Variants in SCMH1 observed in about 807,000 individuals in gnomAD.
SCMH1 encodes polycomb protein SCMH1.
Under a neutral mutation model 70.8 loss-of-function variants are expected in SCMH1, and 37 were observed. The ratio of observed to expected loss-of-function variants is 0.52; its 90% CI spans 0.40 to 0.69. The LOEUF is 0.69. Ranked by LOEUF, SCMH1 falls within the 30% of genes least tolerant of loss-of-function variation. The pLI is 0.00. For missense variants in SCMH1, 607 were observed against 827.3 expected, an observed-to-expected ratio of 0.73 and a Z score of 3.27; for synonymous variants, 292 against 307.4, an observed-to-expected ratio of 0.95 and a Z score of 0.52.
At chr1:41,198,744 T>C (rs1016845552) in intron 1 of SCMH1, among the ~76,000 whole-genome samples, 1 of 152,186 alleles carries the variant, frequency 6.6e-6, no homozygotes. Flanking sequence ...TAACAGAATA[T>C]GTCCAATATT....
chr1:41,069,429 A>G (rs746748854), intron 10 of SCMH1, among the ~76,000 whole-genome samples: 11 of 152,206 alleles, frequency 7.2e-5, no homozygotes, highest in Non-Finnish European at 1.2e-4. Flanking sequence ...AGTAATTGAC[A>G]GGGGGATACG....
rs373229472 is a variant in SCMH1, at chr1:41,089,787, C to CTTTTTTTTTTTTTTTTTTTTTTTTT, written c.746-14337_746-14336insAAAAAAAAAAAAAAAAAAAAAAAAA. Among the ~76,000 whole-genome samples, 18 of 58,748 alleles carry CTTTTTTTTTTTTTTTTTTTTTTTTT rather than the reference C, an allele frequency of 3.1e-4. 6 individuals are homozygous for CTTTTTTTTTTTTTTTTTTTTTTTTT. Among genetic ancestry groups the CTTTTTTTTTTTTTTTTTTTTTTTTT allele is most frequent in the East Asian group, 1.2e-3 (2 of 1,658 alleles). The allele number at this position is 58,748 out of a possible 152,430, so 38.5% of individuals were successfully genotyped here. On this transcript the variant is annotated intron_variant, in intron 8 of 14. Transcript: ENST00000337495. ...TTATTCCACTCTAACCATGTTGTCT[C>CTTTTTTTTTTTTTTTTTTTTTTTTT]TTTTTTTTTTTTTTTTTTTTTTGAG... is the stretch of plus-strand genomic sequence containing the variant.
rs889512355 is a variant in SCMH1, at chr1:41,135,527, C to T, written c.412+7351G>A. 7.9e-5 allele frequency among the ~76,000 whole-genome samples: 12 copies of T among 152,136 alleles called. 1 individual carries two copies. Among genetic ancestry groups the T allele is most frequent in the African/African-American group, 2.9e-4 (12 of 41,442 alleles). ...CTGTGAAGAAGGATGTGTTTGCTTCCCCTTCCACCATGAATGTAAGTTTCC... is the reference window on the plus strand; with the variant it reads ...CTGTGAAGAAGGATGTGTTTGCTTCTCCTTCCACCATGAATGTAAGTTTCC... On this transcript the variant is annotated intron_variant, in intron 6 of 14. Transcript: ENST00000337495.
chr1:41,197,844 T>C lies in SCMH1; in HGVS notation c.-117-11594A>G, dbSNP rs146180304. On this transcript the variant is annotated intron_variant, in intron 1 of 14. Transcript: ENST00000337495. The stretch of plus-strand genomic sequence containing the variant: ...TCCTTTTCCTGGGTAGTCCTAGATG[T>C]AGTCCTCTATCAACTTTCTTTATGA... Among the ~76,000 whole-genome samples the C allele has an allele frequency of 2.0e-5, 3 of 152,320 alleles. No homozygotes were observed. The East Asian group carries it at 5.8e-4, about 29-fold the overall frequency.
At chr1:41,085,356 G>A (rs1661300404) in intron 8 of SCMH1, among the ~76,000 whole-genome samples, 1 of 152,018 alleles carries the variant, frequency 6.6e-6, no homozygotes, top group Admixed American at 6.6e-5. Context: ...AATATAAATA[G>A]TTTGCTATGT....
chr1:41,095,743 A>G lies in SCMH1; in HGVS notation c.745+17540T>C, dbSNP rs535387578. On this transcript the variant is annotated intron_variant, in intron 8 of 14. Transcript: ENST00000337495. ...TTCTTAAAAATATTCTTTCTTTGAC[A>G]CCGTCTTGTATTTCTGGGAAACTAA... Among the ~76,000 whole-genome samples, 5 of 152,296 alleles carry G rather than the reference A, an allele frequency of 3.3e-5. No individual in the cohort carries two copies. In the East Asian group the frequency reaches 9.6e-4, roughly 29 times the overall value.
intron 6 of SCMH1, among the ~76,000 whole-genome samples, chr1:41,136,016 T>C (rs1572486329): frequency 1.3e-5 from 2 of 151,716 alleles, no homozygotes; most frequent in South Asian, 4.2e-4. Flanking sequence ...CAATCTCAAC[T>C]CACTGCAATC....
intron 2 of SCMH1, among the ~76,000 whole-genome samples, chr1:41,181,423 G>A (rs1203447579): frequency 6.6e-6 from 1 of 152,110 alleles, no homozygotes; most frequent in East Asian, 1.9e-4. Flanking sequence ...CCTACAGAAT[G>A]GGAGAAAATT....
At chr1:41,096,846 C>T (rs1665215541) in intron 8 of SCMH1, among the ~76,000 whole-genome samples, 2 of 152,114 alleles carry the variant, frequency 1.3e-5, no homozygotes, top group East Asian at 1.9e-4. Flanking sequence ...AATCCTAATG[C>T]TTACCACTTC....
At chr1:41,044,573 T>C (rs911635580) in intron 12 of SCMH1, among the ~76,000 whole-genome samples, 4 of 151,896 alleles carry the variant, frequency 2.6e-5, no homozygotes, top group African/African-American at 7.3e-5. Flanking sequence ...AAATAGAAAC[T>C]AGAGTGAGAG....
intron 6 of SCMH1, among the ~76,000 whole-genome samples, chr1:41,117,855 G>A (rs1670923610): frequency 6.6e-6 from 1 of 152,080 alleles, no homozygotes; most frequent in African/African-American, 2.4e-5. Flanking sequence ...CATGGGAGAC[G>A]GCTCACACTC....
At chr1:41,106,177 T>C (rs942341876) in intron 8 of SCMH1, among the ~76,000 whole-genome samples, 1 of 151,622 alleles carries the variant, frequency 6.6e-6, no homozygotes, top group African/African-American at 2.4e-5. Flanking sequence ...GCCCAGCCAA[T>C]AGTTCTTGAT....
intron 8 of SCMH1, among the ~76,000 whole-genome samples, chr1:41,102,825 T>G (rs1666952680): frequency 6.6e-6 from 1 of 152,134 alleles, no homozygotes; most frequent in Non-Finnish European, 1.5e-5. Flanking sequence ...AAAGGTGGCA[T>G]GAAAGCACAT....
chr1:41,154,713 T>C (rs969023718), intron 4 of SCMH1, among the ~76,000 whole-genome samples: 1 of 152,212 alleles, frequency 6.6e-6, no homozygotes, highest in Admixed American at 6.5e-5. Context: ...TCAGAGATTA[T>C]TACGAAGATT....
At chr1:41,148,944 C>T (rs1644827098) in intron 5 of SCMH1, among the ~76,000 whole-genome samples, 1 of 152,120 alleles carries the variant, frequency 6.6e-6, no homozygotes, top group Non-Finnish European at 1.5e-5. Context: ...GTGCCCTTCA[C>T]CATGCCCGGC....
At chr1:41,207,691 A>G (rs982957124) in intron 1 of SCMH1, among the ~76,000 whole-genome samples, 16 of 152,236 alleles carry the variant, frequency 1.1e-4, no homozygotes, top group African/African-American at 3.9e-4. Flanking sequence ...AGCAGACCTA[A>G]TAGACATCTA....
At chr1:41,208,562 G>A (rs1176217062) in intron 1 of SCMH1, among the ~76,000 whole-genome samples, 1 of 152,108 alleles carries the variant, frequency 6.6e-6, no homozygotes, top group African/African-American at 2.4e-5. Context: ...TTAGAACTCA[G>A]TATTAAGAAA....
At chr1:41,239,372 T>G (rs563427617) in intron 1 of SCMH1, among the ~76,000 whole-genome samples, 2 of 152,348 alleles carry the variant, frequency 1.3e-5, no homozygotes, top group South Asian at 4.1e-4. Context: ...CATTTAAGAT[T>G]TGGGTCAGAT....
chr1:41,214,310 G>C (rs947178367), intron 1 of SCMH1, among the ~76,000 whole-genome samples: 9 of 152,020 alleles, frequency 5.9e-5, no homozygotes, highest in African/African-American at 1.2e-4. Context: ...TAAATAATGA[G>C]AGCAATGTGA....
Sources: allele counts gnomAD v4.1 joint callset (sites outside exome capture counted in the v4.1 genomes callset), GRCh38; gene constraint gnomAD v4.1.1; transcripts MANE v1.5; gene names NCBI Gene and HGNC (gene_info 2026-07-23, HGNC 2026-07-21).